The following HS6ST2 variants were observed in gnomAD, a reference collection of about 807,000 sequenced individuals.
The protein encoded by HS6ST2 is heparan-sulfate 6-O-sulfotransferase 2.
A neutral mutation model predicts 33.0 loss-of-function variants in HS6ST2; 17 were observed. The observed-to-expected ratio is 0.52, with a 90% confidence interval of 0.35 to 0.77. HS6ST2 has a LOEUF of 0.77. Among genes scored for constraint, HS6ST2 ranks in the 30% least tolerant of loss-of-function variants. The pLI, the probability that HS6ST2 is intolerant of heterozygous loss-of-function variation, is 0.01. For synonymous variants in HS6ST2, 248 were observed against 237.1 expected (o/e 1.05, Z -0.42); for missense variants, 519 against 551.7 (o/e 0.94, Z 0.59).
intron 4 of HS6ST2, among the ~76,000 whole-genome samples, chrX:132,660,477 G>C (rs756264510): frequency 9.0e-6 from 1 of 111,389 alleles, no homozygotes; most frequent in Admixed American, 9.5e-5. Flanking sequence ...ATGAAAGAAT[G>C]AGAATAATGA....
chrX:132,750,722 T>C (rs1341137111), intron 2 of HS6ST2, among the ~76,000 whole-genome samples: 2 of 112,260 alleles, frequency 1.8e-5, no homozygotes, highest in African/African-American at 6.5e-5. Context: ...GAAATTCCCC[T>C]GTCTCTAAAT....
At chrX:132,944,280 T>C (rs185136448) in intron 2 of HS6ST2, among the ~76,000 whole-genome samples, 52 of 111,330 alleles carry the variant, frequency 4.7e-4, no homozygotes, top group East Asian at 4.5e-3. Flanking sequence ...ATAAAATACC[T>C]AGGAATCCAA....
intron 2 of HS6ST2, among the ~76,000 whole-genome samples, chrX:132,932,629 A>G (rs1351151777): frequency 9.0e-6 from 1 of 110,699 alleles, no homozygotes; most frequent in Non-Finnish European, 1.9e-5. Flanking sequence ...CCCATACACA[A>G]GAGAAAAAGG....
At chrX:132,726,078 A>G (rs2064388980) in intron 2 of HS6ST2, among the ~76,000 whole-genome samples, 1 of 111,361 alleles carries the variant, frequency 9.0e-6, no homozygotes, top group Non-Finnish European at 1.9e-5. Flanking sequence ...AGAAAGAATG[A>G]ATAAGACCTA....
At chrX:132,717,599 G>GA (rs2064287739) in intron 2 of HS6ST2, among the ~76,000 whole-genome samples, 1 of 112,164 alleles carries the variant, frequency 8.9e-6, no homozygotes, top group Admixed American at 9.4e-5. Context: ...AAAAATCCAT[G>GA]AAAAAGGCTT....
intron 2 of HS6ST2, among the ~76,000 whole-genome samples, chrX:132,918,637 G>T (rs942578424): frequency 9.0e-6 from 1 of 111,625 alleles, no homozygotes; most frequent in Non-Finnish European, 1.9e-5. Context: ...ATGTGATCAG[G>T]TGGGACATGA....
chrX:132,767,023 C>A (rs1016552226), intron 2 of HS6ST2, among the ~76,000 whole-genome samples: 13 of 111,774 alleles, frequency 1.2e-4, no homozygotes, highest in African/African-American at 3.3e-4. Context: ...ACCTCAACGA[C>A]CTGATTACAA....
At chrX:132,739,785 T>A (rs1018222607) in intron 2 of HS6ST2, among the ~76,000 whole-genome samples, 2 of 111,509 alleles carry the variant, frequency 1.8e-5, no homozygotes, top group African/African-American at 3.3e-5. Context: ...GAGAATTTTT[T>A]AAAAAATATT....
intron 2 of HS6ST2, among the ~76,000 whole-genome samples, chrX:132,914,473 A>G (rs2066565335): frequency 8.9e-6 from 1 of 112,547 alleles, no homozygotes; most frequent in African/African-American, 3.2e-5. Context: ...CCTAACCACC[A>G]AATGTTCTTT....
At chrX:132,762,229 A>T (rs762670005) in intron 2 of HS6ST2, among the ~76,000 whole-genome samples, 19 of 111,248 alleles carry the variant, frequency 1.7e-4, no homozygotes, top group Non-Finnish European at 3.4e-4. Context: ...AGTAATTCTA[A>T]TGCTACTAGA....
intron 2 of HS6ST2, among the ~76,000 whole-genome samples, chrX:132,903,654 A>G (rs745560497): frequency 6.2e-5 from 7 of 112,033 alleles, no homozygotes; most frequent in African/African-American, 2.3e-4. Context: ...AACAGTGGGG[A>G]AAAATCCAGT....
intron 2 of HS6ST2, among the ~76,000 whole-genome samples, chrX:132,940,438 C>T (rs2040950099): frequency 9.0e-6 from 1 of 111,439 alleles, no homozygotes; most frequent in South Asian, 3.7e-4. Context: ...TGGACTTCAC[C>T]AAAATTTAAA....
At chrX:132,782,126 T>G (rs1324050626) in intron 2 of HS6ST2, among the ~76,000 whole-genome samples, 1 of 112,003 alleles carries the variant, frequency 8.9e-6, no homozygotes, top group Non-Finnish European at 1.9e-5. Context: ...GTTTTTAACT[T>G]AAGGGATTCT....
chrX:132,687,756 GT>G (rs551914681), intron 3 of HS6ST2, among the ~76,000 whole-genome samples: 23 of 102,770 alleles, frequency 2.2e-4, no homozygotes, highest in South Asian at 8.7e-4. Context: ...GTCAACATTT[GT>G]TTTTTTTTTG....
chrX:132,889,252 C>A (rs2066282362), intron 2 of HS6ST2, among the ~76,000 whole-genome samples: 1 of 111,353 alleles, frequency 9.0e-6, no homozygotes, highest in African/African-American at 3.3e-5. Flanking sequence ...CATTTTGCAA[C>A]TTTTTCCACC....
At chrX:132,864,865 T>A (rs1397431819) in intron 2 of HS6ST2, among the ~76,000 whole-genome samples, 1 of 111,163 alleles carries the variant, frequency 9.0e-6, no homozygotes. Flanking sequence ...GAAAGAAAGG[T>A]CGCGTTACCC....
At chrX:132,800,828 G>A (rs1186425908) in intron 2 of HS6ST2, among the ~76,000 whole-genome samples, 1 of 111,508 alleles carries the variant, frequency 9.0e-6, no homozygotes, top group Non-Finnish European at 1.9e-5. Flanking sequence ...TGGATCATAG[G>A]GGTGGTTTCT....
intron 2 of HS6ST2, among the ~76,000 whole-genome samples, chrX:132,741,771 G>A (rs1223031765): frequency 9.0e-6 from 1 of 111,469 alleles, no homozygotes; most frequent in Admixed American, 9.6e-5. Context: ...ATACATCCAA[G>A]TTCCACCCAG....
intron 3 of HS6ST2, among the ~76,000 whole-genome samples, chrX:132,670,581 C>T (rs1223688861): frequency 1.8e-5 from 2 of 111,650 alleles, no homozygotes; most frequent in African/African-American, 6.5e-5. Flanking sequence ...AGGCGGATCA[C>T]GAGGTCAGGA....
Sources: allele counts gnomAD v4.1 joint callset (sites outside exome capture counted in the v4.1 genomes callset), GRCh38; gene constraint gnomAD v4.1.1; transcripts MANE v1.5; gene names NCBI Gene and HGNC (gene_info 2026-07-23, HGNC 2026-07-21).